Variants in HNF4A observed in about 807,000 individuals in gnomAD.
The protein encoded by HNF4A is hepatocyte nuclear factor 4 alpha.
Under a neutral mutation model 52.4 loss-of-function variants are expected in HNF4A, and 15 were observed. That is an observed-to-expected ratio of 0.29 (90% CI 0.19 to 0.44). The LOEUF (loss-of-function observed/expected upper bound fraction) is 0.44. Among genes scored for constraint, HNF4A ranks in the 20% least tolerant of loss-of-function variants. The pLI, the probability that HNF4A is intolerant of heterozygous loss-of-function variation, is 1.00. For synonymous variants in HNF4A, 280 were observed against 264.4 expected, an observed-to-expected ratio of 1.06 and a Z score of -0.57; for missense variants, 479 against 647.2, an observed-to-expected ratio of 0.74 and a Z score of 2.82.
chr20:44,404,208 A>G (rs1410546761), intron 1 of HNF4A, among the ~76,000 whole-genome samples: 2 of 152,206 alleles, frequency 1.3e-5, no homozygotes, highest in African/African-American at 4.8e-5. Context: ...CACTTCACAT[A>G]CACATATGAG....
chr20:44,380,849 CA>C (rs1366741128), intron 1 of HNF4A, among the ~76,000 whole-genome samples: 1 of 152,200 alleles, frequency 6.6e-6, no homozygotes, highest in Non-Finnish European at 1.5e-5. Flanking sequence ...AATCTAATAT[CA>C]TGAAGCTTTT....
intron 1 of HNF4A, among the ~76,000 whole-genome samples, chr20:44,375,494 T>G (rs1202254226): frequency 1.3e-5 from 2 of 150,692 alleles, no homozygotes; most frequent in Non-Finnish European, 3.0e-5. Context: ...GAAATGTTTT[T>G]GTTTTTTTTT....
rs983445573 is a variant in HNF4A at position 44,429,880 on chromosome 20, G to A, written c.*215G>A. 4 of 589,170 alleles carry A rather than the reference G, an allele frequency of 6.8e-6. No individual in the cohort carries two copies. Among genetic ancestry groups the A allele is most frequent in the South Asian group, 4.2e-5 (2 of 47,866 alleles). 36.5% of individuals were successfully genotyped at this position (589,170 alleles called of 1,614,324 possible). A position where few individuals can be genotyped will look rare whatever the true frequency, so the allele number is the denominator to read the frequency against. ...GGATAACAAGACTTTGACTTGGGGAGACCTCTACTGCCTTGGACAACTTTT... is the reference window on the plus strand; with the variant it reads ...GGATAACAAGACTTTGACTTGGGGAAACCTCTACTGCCTTGGACAACTTTT... On this transcript the variant is annotated 3_prime_UTR_variant, in exon 10 of 10. Coordinates refer to ENST00000316099, the MANE Select transcript of HNF4A (RefSeq NM_000457.6).
chr20:44,355,786 C>T (rs1036713956), exon 1 of HNF4A: 3 of 1,612,798 alleles, frequency 1.9e-6, no homozygotes, highest in Admixed American at 3.3e-5. Flanking sequence ...CCCAGCTCTC[C>T]GGCTGGGTGG....
intron 1 of HNF4A, among the ~76,000 whole-genome samples, chr20:44,402,945 CT>C (rs2063431791): frequency 6.6e-6 from 1 of 152,350 alleles, no homozygotes; most frequent in Middle Eastern, 3.4e-3. Flanking sequence ...GTCACCTCCC[CT>C]ATCCTGGCTT....
intron 1 of HNF4A, among the ~76,000 whole-genome samples, chr20:44,389,172 C>T (rs1204279218): frequency 3.9e-5 from 6 of 152,272 alleles, no homozygotes; most frequent in Non-Finnish European, 8.8e-5. Flanking sequence ...GCAAAGGCCA[C>T]TAGCTCAGGG....
chr20:44,433,007 T>A (rs1297272354), downstream of HNF4A: 1 of 152,174 alleles, frequency 6.6e-6, no homozygotes, highest in Non-Finnish European at 1.5e-5. Context: ...TTTTTCAGTC[T>A]TCACATCAAG....
intron 1 of HNF4A, among the ~76,000 whole-genome samples, chr20:44,370,024 T>G (rs928030803): frequency 6.6e-6 from 1 of 151,798 alleles, no homozygotes; most frequent in Non-Finnish European, 1.5e-5. Context: ...CTTTTGTTTT[T>G]TTTGTTTGTT....
chr20:44,355,724 G>C lies in HNF4A; in HGVS notation c.-81G>C. ...GCACTCACCGCCTTCCTGGTGGACGGGCTCCTGGTGGCTGTGCTGCTGCTG... is the reference window on the plus strand; with the variant it reads ...GCACTCACCGCCTTCCTGGTGGACGCGCTCCTGGTGGCTGTGCTGCTGCTG... On this transcript the variant is annotated 5_prime_UTR_variant, in exon 1 of 10. Transcript: ENST00000316673. 6.2e-6 allele frequency: 8 copies of C among 1,284,188 alleles called. No homozygotes were observed. The Admixed American group carries it at 1.2e-4, about 19-fold the overall frequency. 79.5% of individuals were successfully genotyped at this position (1,284,188 alleles called of 1,614,324 possible).
intron 1 of HNF4A, among the ~76,000 whole-genome samples, chr20:44,383,250 T>C (rs1366261447): frequency 6.6e-6 from 1 of 152,216 alleles, no homozygotes; most frequent in Non-Finnish European, 1.5e-5. Flanking sequence ...TAGCACTCAC[T>C]AAGTGCCAGG....
chr20:44,423,966 A>T (rs937777599), intron 7 of HNF4A, 52 bp from the exon 8 acceptor site: 1 of 1,582,562 alleles, frequency 6.3e-7, no homozygotes, highest in Non-Finnish European at 8.6e-7. Context: ...GACTCCCCAG[A>T]TGCTCCAGCT....
At chr20:44,411,387 G>A (rs547606132) in intron 3 of HNF4A, among the ~76,000 whole-genome samples, 128 of 152,332 alleles carry the variant, frequency 8.4e-4, no homozygotes, top group Non-Finnish European at 1.3e-3. Context: ...GACTGAGCTC[G>A]CGCCGGGCAC....
intron 1 of HNF4A, among the ~76,000 whole-genome samples, chr20:44,405,583 C>G (rs528067383): frequency 6.6e-6 from 1 of 152,130 alleles, no homozygotes; most frequent in East Asian, 1.9e-4. Context: ...TGACTGTTCT[C>G]GGCCCAAGTC....
chr20:44,401,845 C>T (rs1399717613), intron 1 of HNF4A, among the ~76,000 whole-genome samples: 1 of 152,146 alleles, frequency 6.6e-6, no homozygotes, highest in Non-Finnish European at 1.5e-5. Context: ...CAGCCCAGCA[C>T]GGCCCCTTCG....
At chr20:44,419,242 T>C (rs1226831395) in intron 6 of HNF4A, among the ~76,000 whole-genome samples, 2 of 152,240 alleles carry the variant, frequency 1.3e-5, no homozygotes, top group Non-Finnish European at 2.9e-5. Flanking sequence ...TTGCAAACAC[T>C]ACCTATTTTA....
Position 44,404,783 on chromosome 20 carries a change from G to GTTGA in HNF4A, c.116-1274_116-1273insTGAT, listed in dbSNP as rs141054050. On this transcript the variant is annotated intron_variant, in intron 1 of 9. Coordinates refer to ENST00000316099, the MANE Select transcript of HNF4A (RefSeq NM_000457.6). ...CACATGTGTGTATATATGTGTGTGT[G>GTTGA]TGCGTGTGTCTGTGTGGTGTGTGGA... 1.6e-4 allele frequency among the ~76,000 whole-genome samples: 15 copies of GTTGA among 91,820 alleles called. 2 individuals carry two copies. The highest frequency in any genetic ancestry group is 8.2e-4 in the East Asian group (1 of 1,226). 60.2% of individuals were successfully genotyped at this position (91,820 alleles called of 152,430 possible).
At chr20:44,367,662 C>T (rs1600637137) in intron 1 of HNF4A, among the ~76,000 whole-genome samples, 1 of 150,752 alleles carries the variant, frequency 6.6e-6, no homozygotes, top group Admixed American at 6.6e-5. Flanking sequence ...AAAATTAACT[C>T]CTTGGCCAGA....
chr20:44,422,783 G>A (rs1405309502), intron 7 of HNF4A, among the ~76,000 whole-genome samples: 2 of 151,520 alleles, frequency 1.3e-5, no homozygotes, highest in Non-Finnish European at 2.9e-5. Flanking sequence ...AGTTTCAAGC[G>A]ATTCTCCCAC....
chr20:44,401,316 G>T lies in HNF4A; in HGVS notation c.-57G>T. ...GGCAGTGGGAGGGCGGAGGGCGGGG[G>T]CCTTCGGGGTGGGCGCCCAGGGTAG... On this transcript the variant is annotated 5_prime_UTR_variant, in exon 1 of 10. Coordinates refer to ENST00000316099, the MANE Select transcript of HNF4A (RefSeq NM_000457.6). 6.5e-7 allele frequency: 1 copy of T among 1,548,196 alleles called. No homozygotes were observed. The highest frequency in any genetic ancestry group is 8.9e-7 in the Non-Finnish European group (1 of 1,121,858).
Sources: allele counts gnomAD v4.1 joint callset (sites outside exome capture counted in the v4.1 genomes callset), GRCh38; gene constraint gnomAD v4.1.1; transcripts MANE v1.5; gene names NCBI Gene and HGNC (gene_info 2026-07-23, HGNC 2026-07-21).